SLC25A26: variants seen among roughly 807,000 people sequenced by gnomAD.
The protein encoded by SLC25A26 is solute carrier family 25 member 26, also known as mitochondrial S-adenosylmethionine carrier protein.
A neutral mutation model predicts 37.8 loss-of-function variants in SLC25A26; 36 were observed. The ratio of observed to expected loss-of-function variants is 0.95; its 90% CI spans 0.73 to 1.26. The LOEUF (loss-of-function observed/expected upper bound fraction) is 1.26. Ranked by LOEUF, SLC25A26 falls within the 50% of genes most tolerant of loss-of-function variation. The pLI is 0.00. For missense variants in SLC25A26, 390 were observed against 331.1 expected (o/e 1.18, Z -1.38); for synonymous variants, 129 against 122.5 (o/e 1.05, Z -0.35).
In SLC25A26 at chr3:66,338,750, A is replaced by G. The variant is rs771111805; in HGVS notation, c.454-7614A>G. Among the ~76,000 whole-genome samples, 30 of 151,944 alleles carry G rather than the reference A, an allele frequency of 2.0e-4. 1 individual carries two copies. Among genetic ancestry groups the G allele is most frequent in the Admixed American group, 1.4e-3 (21 of 15,268 alleles). On this transcript the variant is annotated intron_variant, in intron 5 of 9. Transcript: ENST00000354883. The stretch of plus-strand genomic sequence containing the variant: ...ACAGCTTCTAACGCAGTTCCCACAC[A>G]AACTACAACTTCTAATGTAGCTTCT...
chr3:66,190,124 CA>C (rs2070908829), intron 1 of SLC25A26, among the ~76,000 whole-genome samples: 1 of 152,048 alleles, frequency 6.6e-6, no homozygotes, highest in Non-Finnish European at 1.5e-5. Flanking sequence ...CCAGGCTGGG[CA>C]ACATGGTGAA....
In SLC25A26 at chr3:66,150,696, G is replaced by A. The variant is rs191250478; in HGVS notation, c.-354+16712G>A. ...AGCAGTAATTAACAGGATGAGTTTG[G>A]GCTGTATTAGAAGCTATGAGATAAT... On this transcript the variant is annotated intron_variant, in intron 1 of 10. Coordinates refer to the SLC25A26 transcript ENST00000676754. 8.1e-4 allele frequency among the ~76,000 whole-genome samples: 102 copies of A among 126,468 alleles called. 2 individuals are homozygous for A. Among genetic ancestry groups the A allele is most frequent in the African/African-American group, 3.0e-3 (101 of 33,514 alleles). 83.0% of individuals were successfully genotyped at this position (126,468 alleles called of 152,430 possible). A position where few individuals can be genotyped will look rare whatever the true frequency, so the allele number is the denominator to read the frequency against.
At chr3:66,268,945 A>G (rs2073859604) in intron 5 of SLC25A26, among the ~76,000 whole-genome samples, 1 of 152,214 alleles carries the variant, frequency 6.6e-6, no homozygotes, top group African/African-American at 2.4e-5. Context: ...CTCCCCAGCC[A>G]TGCAAACTGT....
At chr3:66,165,158 G>A (rs181679136) in intron 1 of SLC25A26, among the ~76,000 whole-genome samples, 11 of 152,268 alleles carry the variant, frequency 7.2e-5, no homozygotes, top group African/African-American at 1.7e-4. Flanking sequence ...CTCCACAGGC[G>A]ACACAGTGAG....
intron 5 of SLC25A26, among the ~76,000 whole-genome samples, chr3:66,282,000 T>TC: frequency 8.9e-6 from 1 of 112,386 alleles, no homozygotes; most frequent in Non-Finnish European, 1.9e-5. Flanking sequence ...TTTTGCATTT[T>TC]TTTTTTTTTT....
rs142585745 is a variant in SLC25A26, at chr3:66,178,481, T to C, written c.-353-42261T>C. ...TACTGACAGACGTTGTCCCTTGTTGTCCAAGCTCAGTAGCAGTTTCAGTAA... is the reference window on the plus strand; with the variant it reads ...TACTGACAGACGTTGTCCCTTGTTGCCCAAGCTCAGTAGCAGTTTCAGTAA... On this transcript the variant is annotated intron_variant, in intron 1 of 10. Coordinates refer to the SLC25A26 transcript ENST00000676754. Among the ~76,000 whole-genome samples the C allele has an allele frequency of 4.5e-3, 692 of 152,294 alleles. 7 individuals are homozygous for C. Among genetic ancestry groups the C allele is most frequent in the African/African-American group, 0.016 (653 of 41,556 alleles).
At chr3:66,316,929 C>A (rs1021959924) in intron 5 of SLC25A26, among the ~76,000 whole-genome samples, 4 of 152,126 alleles carry the variant, frequency 2.6e-5, no homozygotes, top group African/African-American at 9.7e-5. Flanking sequence ...GTGAAGGTCT[C>A]ATGTTGTGTT....
At chr3:66,344,671 C>T (rs17044323) in intron 5 of SLC25A26, among the ~76,000 whole-genome samples, 5,672 of 152,302 alleles carry the variant, frequency 0.037, 336 homozygotes, top group African/African-American at 0.13. Context: ...ATCGCCACCA[C>T]CAGCACTGGT....
upstream of SLC25A26, among the ~76,000 whole-genome samples, chr3:66,219,284 A>G (rs1451483111): frequency 6.6e-6 from 1 of 152,144 alleles, no homozygotes; most frequent in Non-Finnish European, 1.5e-5. Context: ...CTGGCCCCTA[A>G]TGTGTTTTGC....
At chr3:66,324,825 T>C (rs1020313279) in intron 5 of SLC25A26, among the ~76,000 whole-genome samples, 3 of 152,170 alleles carry the variant, frequency 2.0e-5, no homozygotes, top group South Asian at 4.1e-4. Context: ...TTTTGCCTTA[T>C]ATTCTCTGTC....
chr3:66,346,725 T>C (rs1275649390), intron 6 of SLC25A26, among the ~76,000 whole-genome samples: 3 of 125,434 alleles, frequency 2.4e-5, no homozygotes, highest in Admixed American at 2.2e-4. Context: ...CGTGTGTGTG[T>C]GTGTGTGTGT....
At chr3:66,301,190 G>C (rs1385275873) in intron 5 of SLC25A26, among the ~76,000 whole-genome samples, 1 of 152,166 alleles carries the variant, frequency 6.6e-6, no homozygotes, top group African/African-American at 2.4e-5. Flanking sequence ...ACTCAAAATT[G>C]CCAGTTTCCC....
chr3:66,309,145 G>A (rs777682757), intron 5 of SLC25A26, among the ~76,000 whole-genome samples: 1 of 152,048 alleles, frequency 6.6e-6, no homozygotes, highest in African/African-American at 2.4e-5. Context: ...AGCCATCTGG[G>A]CTCTTTTTGG....
intron 1 of SLC25A26, among the ~76,000 whole-genome samples, chr3:66,193,593 A>C (rs2106796138): frequency 6.6e-6 from 1 of 152,316 alleles, no homozygotes; most frequent in African/African-American, 2.4e-5. Flanking sequence ...TGCTGATAGT[A>C]AATGTGTTTT....
At position 66,221,306 on chromosome 3, in the gene SLC25A26, G is replaced by C. The variant is rs566047969; in HGVS notation, c.33+179G>C. 19 of 222,494 alleles carry C rather than the reference G, an allele frequency of 8.5e-5. No homozygotes were observed. The South Asian group carries it at 2.6e-3, about 30-fold the overall frequency. 13.8% of individuals were successfully genotyped at this position (222,494 alleles called of 1,614,324 possible). ...AGGCCACCGGCGGGCCAGGTGTTAA[G>C]GCTATGTCTGTACTGCCAGGTCATA... On this transcript the variant is annotated intron_variant, in intron 1 of 9. Coordinates refer to ENST00000354883, the MANE Select transcript of SLC25A26 (RefSeq NM_001379210.1).
At chr3:66,190,755 G>A (rs985666964) in intron 1 of SLC25A26, among the ~76,000 whole-genome samples, 10,857 of 152,266 alleles carry the variant, frequency 0.071, 537 homozygotes, top group Middle Eastern at 0.14. Context: ...ACAAGTGTCT[G>A]ATTTTTTCTT....
At chr3:66,184,860 C>T (rs1316031109) in intron 1 of SLC25A26, among the ~76,000 whole-genome samples, 1 of 152,112 alleles carries the variant, frequency 6.6e-6, no homozygotes, top group Non-Finnish European at 1.5e-5. Flanking sequence ...CAACTTTGAC[C>T]CTGATCCTGA....
intron 5 of SLC25A26, among the ~76,000 whole-genome samples, chr3:66,278,895 C>G (rs1326366815): frequency 6.6e-6 from 1 of 152,098 alleles, no homozygotes; most frequent in Non-Finnish European, 1.5e-5. Flanking sequence ...TTTCATAGCT[C>G]TTCTGTATTG....
At chr3:66,299,708 C>G (rs1007444510) in intron 5 of SLC25A26, among the ~76,000 whole-genome samples, 10 of 152,196 alleles carry the variant, frequency 6.6e-5, no homozygotes, top group Middle Eastern at 3.4e-3. Context: ...TCGAAATAAA[C>G]TGATTTGGAT....
Sources: allele counts gnomAD v4.1 joint callset (sites outside exome capture counted in the v4.1 genomes callset), GRCh38; gene constraint gnomAD v4.1.1; transcripts MANE v1.5; gene names NCBI Gene and HGNC (gene_info 2026-07-23, HGNC 2026-07-21).